Variants in CNTNAP5 observed in about 807,000 individuals in gnomAD.
CNTNAP5 encodes contactin-associated protein-like 5.
CNTNAP5 carries 72 observed loss-of-function variants against 150.2 expected under a neutral mutation model. The observed-to-expected ratio is 0.48, with a 90% CI of 0.40 to 0.58. The LOEUF (loss-of-function observed/expected upper bound fraction) is 0.58, where lower values mean the gene tolerates loss of function less well. CNTNAP5 is among the 20% of genes least tolerant of loss of function. CNTNAP5 has a pLI of 0.00. For synonymous variants in CNTNAP5, 672 were observed against 619.8 expected (o/e 1.08, Z -1.25); for missense variants, 1,636 against 1,626.2 (o/e 1.01, Z -0.10).
rs534300154 is a variant in CNTNAP5, at chr2:124,398,954, T to A, written c.382-18489T>A. On this transcript the variant is annotated intron_variant, in intron 3 of 23. Transcript: ENST00000682447. ...TACCAGGTATTTCCTTGGGTTTGTG[T>A]TTACTCAAGGCCAGATCTCAGAGTT... 1.6e-4 allele frequency among the ~76,000 whole-genome samples: 24 copies of A among 152,300 alleles called. No individual in the cohort carries two copies. In the South Asian group the frequency reaches 5.0e-3, roughly 32 times the overall value.
intron 4 of CNTNAP5, among the ~76,000 whole-genome samples, chr2:124,419,189 TAA>T (rs926175528): frequency 4.2e-5 from 6 of 144,332 alleles, no homozygotes; most frequent in Admixed American, 2.8e-4. Context: ...ATGCTACAAT[TAA>T]AAGTTTGTTA....
rs1681002972 is a variant in CNTNAP5, at chr2:124,763,576, A to G, written c.2235-96A>G. Reference sequence around the variant, plus strand: ...CCCTCTCTGCCCCTACCCTGCTGCAACTGGCCAAATCACTTCTGAAAAGAG... The same window carrying G: ...CCCTCTCTGCCCCTACCCTGCTGCAGCTGGCCAAATCACTTCTGAAAAGAG... On this transcript the variant is annotated intron_variant, in intron 14 of 23. Coordinates refer to ENST00000682447, the MANE Select transcript of CNTNAP5 (RefSeq NM_001367498.1). 1.9e-5 allele frequency: 23 copies of G among 1,226,940 alleles called. 1 individual carries two copies. The South Asian group carries it at 3.3e-4, about 17-fold the overall frequency. 76.0% of individuals were successfully genotyped at this position (1,226,940 alleles called of 1,614,324 possible). A position where few individuals can be genotyped will look rare whatever the true frequency, so the allele number is the denominator to read the frequency against.
intron 13 of CNTNAP5, among the ~76,000 whole-genome samples, chr2:124,667,615 A>T (rs1387512295): frequency 6.6e-6 from 1 of 152,210 alleles, no homozygotes; most frequent in African/African-American, 2.4e-5. Flanking sequence ...CAGTTTACCT[A>T]AAGGTTAAGA....
chr2:124,200,209 A>G (rs1298300531), intron 1 of CNTNAP5, among the ~76,000 whole-genome samples: 1 of 152,224 alleles, frequency 6.6e-6, no homozygotes, highest in Non-Finnish European at 1.5e-5. Flanking sequence ...TGAACTAATC[A>G]TATTAGTTAT....
intron 19 of CNTNAP5, among the ~76,000 whole-genome samples, chr2:124,840,427 T>A (rs1682920960): frequency 6.6e-6 from 1 of 152,126 alleles, no homozygotes; most frequent in Non-Finnish European, 1.5e-5. Context: ...CTCTGGGTCA[T>A]GACATTTGTT....
In CNTNAP5 at chr2:124,677,980, C is replaced by A. The variant is rs13392340; in HGVS notation, c.2077+30022C>A. On this transcript the variant is annotated intron_variant, in intron 13 of 23. Coordinates refer to ENST00000682447, the MANE Select transcript of CNTNAP5 (RefSeq NM_001367498.1). ...GCTAAAAACACCCCCAAGAATTCTG[C>A]GTTGCAGTTTTTATCATGTTGGGCG... Among the ~76,000 whole-genome samples, 250 of 152,060 alleles carry A rather than the reference C, an allele frequency of 1.6e-3. 1 individual carries two copies. Among genetic ancestry groups the A allele is most frequent in the African/African-American group, 5.9e-3 (244 of 41,582 alleles).
chr2:124,044,424 T>C (rs556671638), intron 1 of CNTNAP5, among the ~76,000 whole-genome samples: 5 of 152,360 alleles, frequency 3.3e-5, no homozygotes, highest in Admixed American at 3.3e-4. Context: ...TGTGAGCTCC[T>C]AGCAGTTTGT....
intron 3 of CNTNAP5, among the ~76,000 whole-genome samples, chr2:124,288,083 C>A (rs748969380): frequency 1.2e-4 from 18 of 152,232 alleles, no homozygotes; most frequent in Middle Eastern, 6.8e-3. Context: ...GCTTCTGTCA[C>A]CATGCCTGGC....
chr2:124,504,420 A>G lies in CNTNAP5; in HGVS notation c.1191A>G (p.Arg397=). 6.2e-7 allele frequency: 1 copy of G among 1,613,858 alleles called. No homozygotes were observed. Residue 397 remains arginine (R), a synonymous_variant, in exon 8 of 24, where the codon CGA becomes CGG. Coordinates refer to ENST00000682447, the MANE Select transcript of CNTNAP5 (RefSeq NM_001367498.1). ...IDGLSVSFQF[R]TWNKDGLLLS... is the part of the protein sequence containing the mutation. ...GGCTCTCAGTGAGTTTCCAGTTTCG[A>G]ACATGGAACAAGGATGGTCTGCTTC...
intron 1 of CNTNAP5, among the ~76,000 whole-genome samples, chr2:124,194,223 C>A (rs958689801): frequency 4.0e-5 from 6 of 151,824 alleles, no homozygotes; most frequent in African/African-American, 1.5e-4. Flanking sequence ...GGTATACCAG[C>A]ATCCTCCTCA....
intron 13 of CNTNAP5, among the ~76,000 whole-genome samples, chr2:124,694,473 C>T (rs931677110): frequency 7.2e-5 from 11 of 152,052 alleles, no homozygotes; most frequent in Non-Finnish European, 1.2e-4. Flanking sequence ...CTGAAATGAT[C>T]TTCATAGCTG....
At chr2:124,612,209 T>C (rs1677399419) in intron 12 of CNTNAP5, among the ~76,000 whole-genome samples, 1 of 152,222 alleles carries the variant, frequency 6.6e-6, no homozygotes, top group African/African-American at 2.4e-5. Context: ...ATCCAGAGAT[T>C]GCCATTGTTA....
At position 124,645,207 on chromosome 2, in the gene CNTNAP5, C is replaced by A. The variant is rs539460421; in HGVS notation, c.1877-2551C>A. 7.3e-4 allele frequency among the ~76,000 whole-genome samples: 111 copies of A among 152,222 alleles called. 1 individual carries two copies. The highest frequency in any genetic ancestry group is 5.8e-3 in the Admixed American group (88 of 15,300). On this transcript the variant is annotated intron_variant, in intron 12 of 23. Transcript: ENST00000682447. ...TTAATTGTTTTTATAATATTATTAT[C>A]TTTACCAACATGAATTATGTCTTAT...
chr2:124,040,472 G>C (rs1182829451), intron 1 of CNTNAP5, among the ~76,000 whole-genome samples: 1 of 152,078 alleles, frequency 6.6e-6, no homozygotes, highest in Non-Finnish European at 1.5e-5. Context: ...TTGGTTTTGA[G>C]GTATTGATTC....
intron 12 of CNTNAP5, among the ~76,000 whole-genome samples, chr2:124,629,147 T>C (rs553538685): frequency 6.6e-6 from 1 of 152,268 alleles, no homozygotes; most frequent in East Asian, 1.9e-4. Context: ...ATTAGATAGA[T>C]CACGGAGACA....
intron 13 of CNTNAP5, among the ~76,000 whole-genome samples, chr2:124,719,817 C>G (rs1680015786): frequency 6.6e-6 from 1 of 151,992 alleles, no homozygotes; most frequent in Admixed American, 6.6e-5. Flanking sequence ...GAAACTTTGC[C>G]TTAACATTTG....
At chr2:124,878,518 T>C (rs2104735025) in intron 21 of CNTNAP5, among the ~76,000 whole-genome samples, 1 of 152,144 alleles carries the variant, frequency 6.6e-6, no homozygotes, top group East Asian at 1.9e-4. Context: ...TGGACTCTAA[T>C]TGCCTTCCAG....
intron 3 of CNTNAP5, among the ~76,000 whole-genome samples, chr2:124,259,850 C>T (rs534589601): frequency 1.3e-5 from 2 of 152,082 alleles, no homozygotes; most frequent in African/African-American, 2.4e-5. Flanking sequence ...CAAACCACTG[C>T]TCAATGAAAT....
chr2:124,304,734 T>C (rs549968697), intron 3 of CNTNAP5, among the ~76,000 whole-genome samples: 94 of 152,304 alleles, frequency 6.2e-4, no homozygotes, highest in African/African-American at 2.1e-3. Flanking sequence ...CATATACAAA[T>C]GGCCAGAGGC....
Sources: gnomAD v4.1 joint callset for allele counts (sites outside exome capture counted in the v4.1 genomes callset) on GRCh38, gnomAD v4.1.1 for gene constraint, MANE v1.5 for transcripts, NCBI Gene and HGNC (gene_info 2026-07-23, HGNC 2026-07-21) for gene names.